PCDH15: variants seen among roughly 807,000 people sequenced by gnomAD.
The protein encoded by PCDH15 is protocadherin-15.
In PCDH15, 129 loss-of-function variants were observed where a neutral mutation model predicts 178.5. That is an observed-to-expected ratio of 0.72 (90% confidence interval 0.63 to 0.84). The LOEUF is 0.84. Among genes scored for constraint, PCDH15 ranks in the 40% least tolerant of loss-of-function variants. PCDH15 has a pLI of 0.00. For synonymous variants in PCDH15, 800 were observed against 732.0 expected, an observed-to-expected ratio of 1.09 and a Z score of -1.50; for missense variants, 2,230 against 2,099.9, an observed-to-expected ratio of 1.06 and a Z score of -1.21.
chr10:54,764,111 AT>A (rs2133181321), intron 1 of PCDH15, among the ~76,000 whole-genome samples: 1 of 152,014 alleles, frequency 6.6e-6, no homozygotes, highest in Non-Finnish European at 1.5e-5. Context: ...ATAAATATAT[AT>A]TTTTTTCAGT....
chr10:54,454,217 A>G (rs2076668434), intron 3 of PCDH15, among the ~76,000 whole-genome samples: 1 of 149,360 alleles, frequency 6.7e-6, no homozygotes, highest in African/African-American at 2.4e-5. Flanking sequence ...AATTTTTTCT[A>G]TAGGCTCTCA....
In PCDH15 at chr10:53,821,799, TTCAACTTGAAGACTATGA is replaced by T. The variant is rs1359819997; in HGVS notation, c.4368-1587_4368-1570del. Reference sequence around the variant, plus strand: ...TCTTCTTTGACGTTCAAATTTGATGTTCAACTTGAAGACTATGATCAACAAGAGGTTTGCCCGACTAAA... The same window carrying T: ...TCTTCTTTGACGTTCAAATTTGATGTTCAACAAGAGGTTTGCCCGACTAAA... On this transcript the variant is annotated intron_variant, in intron 32 of 37. Coordinates refer to ENST00000644397, the MANE Select transcript of PCDH15 (RefSeq NM_001384140.1). The T allele has an allele frequency of 4.9e-5, 78 of 1,602,110 alleles. No homozygotes were observed. The Admixed American group carries it at 7.3e-4, about 15-fold the overall frequency.
At chr10:53,935,655 C>G (rs2085505214) in intron 25 of PCDH15, among the ~76,000 whole-genome samples, 1 of 152,076 alleles carries the variant, frequency 6.6e-6, no homozygotes, top group African/African-American at 2.4e-5. Flanking sequence ...ACCATATGAC[C>G]CAGAAAACTA....
intron 2 of PCDH15, among the ~76,000 whole-genome samples, chr10:55,363,381 A>G (rs1181380847): frequency 1.3e-5 from 2 of 152,184 alleles, no homozygotes; most frequent in Non-Finnish European, 2.9e-5. Context: ...ATCAATAGTC[A>G]CATATAGTTT....
chr10:54,847,816 A>G (rs1953540701), intron 3 of PCDH15, among the ~76,000 whole-genome samples: 1 of 152,186 alleles, frequency 6.6e-6, no homozygotes, highest in East Asian at 1.9e-4. Flanking sequence ...TTTCTCCATT[A>G]CAAATGAGAA....
At position 55,491,539 on chromosome 10, in the gene PCDH15, C is replaced by T. The variant is rs537101437; in HGVS notation, c.-156+136086G>A. On this transcript the variant is annotated intron_variant, in intron 2 of 5. Coordinates refer to the PCDH15 transcript ENST00000613346. ...AGTAATTCCAGAAAAATGAGTCTGGCCTCTAGCTTTTGTGCAATGGCACAG... is the reference window on the plus strand; with the variant it reads ...AGTAATTCCAGAAAAATGAGTCTGGTCTCTAGCTTTTGTGCAATGGCACAG... 2.2e-4 allele frequency among the ~76,000 whole-genome samples: 34 copies of T among 151,666 alleles called. No homozygotes were observed. The East Asian group carries it at 6.8e-3, about 30-fold the overall frequency.
intron 23 of PCDH15, among the ~76,000 whole-genome samples, chr10:53,951,955 A>C (rs1033062527): frequency 6.6e-6 from 1 of 152,012 alleles, no homozygotes; most frequent in Non-Finnish European, 1.5e-5. Context: ...GCTCCATACA[A>C]GCCAGTGGCT....
intron 1 of PCDH15, among the ~76,000 whole-genome samples, chr10:54,729,997 T>C (rs1479131521): frequency 6.6e-6 from 1 of 151,480 alleles, no homozygotes; most frequent in Non-Finnish European, 1.5e-5. Context: ...TGGAGATTTG[T>C]CAAAGAACTT....
intron 2 of PCDH15, among the ~76,000 whole-genome samples, chr10:54,935,343 A>C (rs1301085304): frequency 6.6e-6 from 1 of 152,198 alleles, no homozygotes; most frequent in Non-Finnish European, 1.5e-5. Context: ...GAGCTAACTG[A>C]ATGCATTGAT....
chr10:55,544,135 CATACATATATATATATAT>C (rs1406020088), intron 2 of PCDH15, among the ~76,000 whole-genome samples: 22 of 96,206 alleles, frequency 2.3e-4, no homozygotes, highest in East Asian at 5.5e-4. Context: ...AAATCTTATA[CATACATATATATATATAT>C]ATATATATAT....
chr10:55,190,845 A>G (rs1385947546), intron 1 of PCDH15, among the ~76,000 whole-genome samples: 1 of 151,750 alleles, frequency 6.6e-6, no homozygotes, highest in Non-Finnish European at 1.5e-5. Context: ...GGTAGATATA[A>G]TAGGCATTAC....
intron 3 of PCDH15, among the ~76,000 whole-genome samples, chr10:54,496,466 G>C (rs1282398683): frequency 6.6e-6 from 1 of 152,140 alleles, no homozygotes; most frequent in Non-Finnish European, 1.5e-5. Flanking sequence ...AGTTGAAAGA[G>C]AGAAGCTGAT....
chr10:55,020,018 C>T (rs755638859), intron 2 of PCDH15, among the ~76,000 whole-genome samples: 27 of 151,506 alleles, frequency 1.8e-4, no homozygotes, highest in Non-Finnish European at 3.4e-4. Context: ...TTTGGAAATT[C>T]TCAGCAGAGT....
chr10:53,809,441 A>G, intron 37 of PCDH15: 3 of 1,613,964 alleles, frequency 1.9e-6, no homozygotes, highest in Non-Finnish European at 2.5e-6. Flanking sequence ...CATGTTGTGT[A>G]TGTAGGCTCA....
intron 3 of PCDH15, among the ~76,000 whole-genome samples, chr10:54,829,935 C>A (rs1483224613): frequency 6.6e-6 from 1 of 152,078 alleles, no homozygotes; most frequent in Non-Finnish European, 1.5e-5. Context: ...GTGGAGAAAT[C>A]TCCCCATCTA....
chr10:55,574,227 T>C (rs1842457197), intron 2 of PCDH15, among the ~76,000 whole-genome samples: 1 of 152,008 alleles, frequency 6.6e-6, no homozygotes, highest in South Asian at 2.1e-4. Flanking sequence ...CTTTTTTGAG[T>C]CTGACATACC....
At chr10:55,215,273 T>C (rs1840673705) in intron 1 of PCDH15, among the ~76,000 whole-genome samples, 1 of 152,124 alleles carries the variant, frequency 6.6e-6, no homozygotes, top group Admixed American at 6.5e-5. Flanking sequence ...TGCAACTTTC[T>C]TTTTAGTACT....
At chr10:54,132,754 C>T in intron 15 of PCDH15, 121 bp downstream of exon 15, 1 of 1,489,186 alleles carries the variant, frequency 6.7e-7, no homozygotes, top group Non-Finnish European at 9.1e-7. Flanking sequence ...TTTTCATTCA[C>T]TAGAGTGGAG....
At chr10:53,933,762 G>T (rs12261424) in intron 25 of PCDH15, among the ~76,000 whole-genome samples, 1 of 151,770 alleles carries the variant, frequency 6.6e-6, no homozygotes, top group East Asian at 1.9e-4. Context: ...GACTTCCACA[G>T]TGGTTGAACT....
Sources: gnomAD v4.1 joint callset for allele counts (sites outside exome capture counted in the v4.1 genomes callset) on GRCh38, gnomAD v4.1.1 for gene constraint, MANE v1.5 for transcripts, NCBI Gene and HGNC (gene_info 2026-07-23, HGNC 2026-07-21) for gene names.